Variants in ZNF385D observed in about 807,000 individuals in gnomAD.
ZNF385D encodes zinc finger protein 385D.
Under a neutral mutation model 35.8 loss-of-function variants are expected in ZNF385D, and 15 were observed. The observed-to-expected ratio is 0.42, with a 90% CI of 0.28 to 0.64. The LOEUF is 0.64. ZNF385D is among the 30% of genes least tolerant of loss of function. The pLI is 0.23. For synonymous variants in ZNF385D, 212 were observed against 186.8 expected (o/e 1.13, Z -1.10); for missense variants, 474 against 494.6 (o/e 0.96, Z 0.39).
intron 3 of ZNF385D, among the ~76,000 whole-genome samples, chr3:21,548,474 A>G (rs560781963): frequency 1.3e-5 from 2 of 152,212 alleles, no homozygotes; most frequent in African/African-American, 4.8e-5. Context: ...ACTGCATTTT[A>G]TCTTCCTCCT....
chr3:21,554,548 C>G (rs545226792), intron 3 of ZNF385D, among the ~76,000 whole-genome samples: 2 of 152,272 alleles, frequency 1.3e-5, no homozygotes, highest in South Asian at 2.1e-4. Context: ...TTCATTAGCT[C>G]CTACCAAGAG....
chr3:21,758,914 C>G (rs1268942992), intron 3 of ZNF385D, among the ~76,000 whole-genome samples: 1 of 140,880 alleles, frequency 7.1e-6, no homozygotes, highest in East Asian at 2.2e-4. Context: ...TAGTCCCAGA[C>G]CACCTAGTAT....
intron 3 of ZNF385D, among the ~76,000 whole-genome samples, chr3:21,898,485 T>G (rs1311002777): frequency 2.6e-5 from 4 of 152,164 alleles, no homozygotes; most frequent in Non-Finnish European, 5.9e-5. Flanking sequence ...TGTATAGTTC[T>G]GTATTGTTTC....
At chr3:21,835,429 T>C (rs976326393) in intron 3 of ZNF385D, among the ~76,000 whole-genome samples, 3 of 151,922 alleles carry the variant, frequency 2.0e-5, no homozygotes, top group Admixed American at 6.6e-5. Context: ...AATTCTCCAG[T>C]TGGACAATGT....
Position 21,856,401 on chromosome 3 carries a change from C to T in ZNF385D, c.326-191373G>A, listed in dbSNP as rs1004480584. On this transcript the variant is annotated intron_variant, in intron 3 of 5. Transcript: ENST00000494108. ...TAATATTTTCTCGTCTTTCTGAACC[C>T]CTTCTCTCAACTTCAGACTCAACTG... 3.3e-5 allele frequency among the ~76,000 whole-genome samples: 5 copies of T among 151,986 alleles called. No individual in the cohort carries two copies. In the South Asian group the frequency reaches 8.3e-4, roughly 25 times the overall value.
chr3:21,864,578 G>C (rs902700274), intron 3 of ZNF385D, among the ~76,000 whole-genome samples: 1 of 152,018 alleles, frequency 6.6e-6, no homozygotes, highest in Non-Finnish European at 1.5e-5. Context: ...CACAGTATGG[G>C]TTTTGACTAA....
intron 1 of ZNF385D, among the ~76,000 whole-genome samples, chr3:21,674,722 C>G (rs1575439555): frequency 2.0e-5 from 3 of 152,212 alleles, no homozygotes; most frequent in Admixed American, 2.0e-4. Context: ...GTGCCCTGCT[C>G]TGGCCTGCAC....
At chr3:22,059,161 G>C (rs947948976) in intron 3 of ZNF385D, among the ~76,000 whole-genome samples, 11 of 152,160 alleles carry the variant, frequency 7.2e-5, no homozygotes, top group African/African-American at 2.7e-4. Flanking sequence ...AAAGGACCCT[G>C]TGTAATCATT....
At chr3:21,936,813 T>A (rs1452178499) in intron 3 of ZNF385D, among the ~76,000 whole-genome samples, 1 of 152,134 alleles carries the variant, frequency 6.6e-6, no homozygotes, top group Non-Finnish European at 1.5e-5. Flanking sequence ...TACCTCATTG[T>A]GCTGAAAAAT....
In ZNF385D at chr3:22,318,597, C is replaced by T. The variant is rs190171884; in HGVS notation, c.106+53853G>A. 4.4e-4 allele frequency among the ~76,000 whole-genome samples: 67 copies of T among 152,170 alleles called. 1 individual carries two copies. Among genetic ancestry groups the T allele is most frequent in the African/African-American group, 1.5e-3 (62 of 41,508 alleles). On this transcript the variant is annotated intron_variant, in intron 2 of 5. Transcript: ENST00000494108. ...GGTGGTCAAAGAAATTGGCCCACTG[C>T]CTGCATTTTTCAGCAATATTTTGGA...
At chr3:21,955,156 T>C (rs1174709200) in intron 3 of ZNF385D, among the ~76,000 whole-genome samples, 1 of 152,110 alleles carries the variant, frequency 6.6e-6, no homozygotes. Flanking sequence ...CTTTATAAAA[T>C]TTCTCCTTCC....
At chr3:22,322,905 C>T (rs74473962) in intron 2 of ZNF385D, among the ~76,000 whole-genome samples, 4,009 of 152,214 alleles carry the variant, frequency 0.026, 82 homozygotes, top group Middle Eastern at 0.055. Context: ...ACAGCCCTGG[C>T]TAAGTGTTAT....
chr3:22,351,214 TAA>T (rs1695901255), intron 2 of ZNF385D, among the ~76,000 whole-genome samples: 1 of 152,104 alleles, frequency 6.6e-6, no homozygotes, highest in Non-Finnish European at 1.5e-5. Context: ...TTGTTTTCCA[TAA>T]AGACAGTAAT....
chr3:22,099,543 G>C (rs1701813910), intron 3 of ZNF385D, among the ~76,000 whole-genome samples: 2 of 152,086 alleles, frequency 1.3e-5, no homozygotes, highest in Non-Finnish European at 2.9e-5. Context: ...TGTAGGAAAT[G>C]TGTGGCTGAG....
chr3:21,597,368 A>T (rs1034950171), intron 2 of ZNF385D, among the ~76,000 whole-genome samples: 4 of 152,114 alleles, frequency 2.6e-5, no homozygotes, highest in Non-Finnish European at 5.9e-5. Flanking sequence ...TTCAAAAAAA[A>T]AAGAAAAATA....
intron 3 of ZNF385D, among the ~76,000 whole-genome samples, chr3:21,888,647 CTAAAAAGGAAACAG>C (rs1379637520): frequency 6.6e-6 from 1 of 151,538 alleles, no homozygotes; most frequent in Non-Finnish European, 1.5e-5. Flanking sequence ...GGAAGCTTGG[CTAAAAAGGAAACAG>C]AAAAAAGGGA....
chr3:21,875,255 A>T (rs1051612219), intron 3 of ZNF385D, among the ~76,000 whole-genome samples: 1 of 151,160 alleles, frequency 6.6e-6, no homozygotes. Flanking sequence ...CTTTTTTTTA[A>T]CCTAATTTCT....
At chr3:21,562,188 A>G (rs1025782764) in intron 3 of ZNF385D, 1 of 152,140 alleles carries the variant, frequency 6.6e-6, no homozygotes, top group East Asian at 1.9e-4. Flanking sequence ...AACAAAATAA[A>G]TTGCTACTCT....
chr3:21,557,244 G>C (rs145411020), intron 3 of ZNF385D, among the ~76,000 whole-genome samples: 266 of 152,294 alleles, frequency 1.7e-3, no homozygotes, highest in African/African-American at 6.0e-3. Context: ...TCTTGTGCTA[G>C]TTTTCAAAGG....
Sources: allele counts gnomAD v4.1 joint callset (sites outside exome capture counted in the v4.1 genomes callset), GRCh38; gene constraint gnomAD v4.1.1; transcripts MANE v1.5; gene names NCBI Gene and HGNC (gene_info 2026-07-23, HGNC 2026-07-21).